Variants in PRMT8 observed in about 807,000 individuals in gnomAD.
PRMT8 encodes the protein protein arginine methyltransferase 8, also known as protein arginine N-methyltransferase 8.
In PRMT8, 7 loss-of-function variants were observed where a neutral mutation model predicts 47.1. The observed-to-expected ratio is 0.15, with a 90% CI of 0.08 to 0.28. The LOEUF is 0.28. PRMT8 is among the 10% of genes least tolerant of loss of function. The probability of loss-of-function intolerance (pLI) is 1.00; values close to 1 mark genes in which losing one functional copy is unlikely to be tolerated. For missense variants in PRMT8, 237 were observed against 505.4 expected (o/e 0.47, Z 5.09); for synonymous variants, 188 against 186.5 (o/e 1.01, Z -0.07).
chr12:3,532,252 A>G (rs571956788), intron 1 of PRMT8, among the ~76,000 whole-genome samples: 91 of 148,574 alleles, frequency 6.1e-4, no homozygotes, highest in Non-Finnish European at 1.1e-3. Context: ...TTTATATTAT[A>G]TAATATTTAT....
At chr12:3,403,363 T>G (rs1864337675) in intron 1 of PRMT8, among the ~76,000 whole-genome samples, 1 of 152,032 alleles carries the variant, frequency 6.6e-6, no homozygotes. Flanking sequence ...TAATGGATGC[T>G]GGGCTTAATA....
At chr12:3,516,811 C>T in intron 1 of PRMT8, among the ~76,000 whole-genome samples, 1 of 152,076 alleles carries the variant, frequency 6.6e-6, no homozygotes, top group East Asian at 1.9e-4. Context: ...TTCCCCCTCG[C>T]CCCTTAGTTG....
At chr12:3,445,616 C>T (rs1864848173) in intron 1 of PRMT8, among the ~76,000 whole-genome samples, 1 of 152,140 alleles carries the variant, frequency 6.6e-6, no homozygotes. Flanking sequence ...CAGGGCAATG[C>T]TGATCAGCTC....
chr12:3,389,397 G>A (rs1345152298), intron 1 of PRMT8, among the ~76,000 whole-genome samples: 1 of 152,100 alleles, frequency 6.6e-6, no homozygotes, highest in Admixed American at 6.5e-5. Flanking sequence ...CCAGCCCTTG[G>A]TCCTCTGCTA....
intron 1 of PRMT8, among the ~76,000 whole-genome samples, chr12:3,411,872 C>A (rs1273239834): frequency 6.6e-6 from 1 of 152,180 alleles, no homozygotes; most frequent in Admixed American, 6.5e-5. Context: ...AAATAAATGT[C>A]TTTTCTTTAT....
intron 1 of PRMT8, among the ~76,000 whole-genome samples, chr12:3,466,990 C>G (rs541007879): frequency 6.6e-6 from 1 of 152,122 alleles, no homozygotes; most frequent in African/African-American, 2.4e-5. Flanking sequence ...GTAATCCCAG[C>G]ACTTTGGGAG....
chr12:3,464,861 A>G (rs1399465489), intron 1 of PRMT8, among the ~76,000 whole-genome samples: 1 of 152,112 alleles, frequency 6.6e-6, no homozygotes, highest in Admixed American at 6.6e-5. Flanking sequence ...ACTCCTGCTC[A>G]CACCTGTAAT....
intron 1 of PRMT8, among the ~76,000 whole-genome samples, chr12:3,455,865 A>C (rs552147596): frequency 1.8e-4 from 27 of 152,244 alleles, no homozygotes; most frequent in African/African-American, 5.8e-4. Flanking sequence ...AGTGCCCCCT[A>C]CCACACCCCT....
chr12:3,413,114 A>G (rs902299068), intron 1 of PRMT8, among the ~76,000 whole-genome samples: 13 of 152,204 alleles, frequency 8.5e-5, no homozygotes, highest in Non-Finnish European at 1.8e-4. Context: ...GCTGTTAGCT[A>G]GTCCAAGGGT....
Position 3,583,599 on chromosome 12 carries a change from T to C in PRMT8, c.979+391T>C, listed in dbSNP as rs1244024436. Reference sequence around the variant, plus strand: ...CCATGCCTCTGTGCAGGACACAGCCTGTCTTGCAGCAGCCTGCACACTGGT... The same window carrying C: ...CCATGCCTCTGTGCAGGACACAGCCCGTCTTGCAGCAGCCTGCACACTGGT... On this transcript the variant is annotated intron_variant, in intron 8 of 9. Coordinates refer to ENST00000382622, the MANE Select transcript of PRMT8 (RefSeq NM_019854.5). This position sits in a 1 kb window ranked among gnomAD's most constrained non-coding sequence, Gnocchi z 4.7. Among the ~76,000 whole-genome samples the C allele has an allele frequency of 6.6e-6, 1 of 152,206 alleles. No homozygotes were observed. The highest frequency in any genetic ancestry group is 1.5e-5 in the Non-Finnish European group (1 of 68,036).
At chr12:3,507,411 G>A (rs924600997) in intron 1 of PRMT8, among the ~76,000 whole-genome samples, 7 of 152,056 alleles carry the variant, frequency 4.6e-5, no homozygotes, top group Non-Finnish European at 1.0e-4. Flanking sequence ...GTGAACCACC[G>A]CGCCCAGCCA....
chr12:3,484,012 A>T (rs1313972755), intron 1 of PRMT8, among the ~76,000 whole-genome samples: 1 of 152,194 alleles, frequency 6.6e-6, no homozygotes, highest in Admixed American at 6.5e-5. Context: ...CTCTTAAAAA[A>T]TGGCACCTCT....
chr12:3,590,981 A>G (rs144063892), intron 8 of PRMT8, among the ~76,000 whole-genome samples: 1 of 152,252 alleles, frequency 6.6e-6, no homozygotes, highest in African/African-American at 2.4e-5. Flanking sequence ...AGGCACCGCA[A>G]TAACAGGAGC....
intron 1 of PRMT8, among the ~76,000 whole-genome samples, chr12:3,397,127 A>G (rs1248096298): frequency 3.3e-5 from 5 of 151,742 alleles, no homozygotes; most frequent in Admixed American, 2.6e-4. Context: ...AATTTTTTTC[A>G]AAGTTTTCAA....
intron 1 of PRMT8, among the ~76,000 whole-genome samples, chr12:3,517,841 A>G (rs1342569942): frequency 6.6e-6 from 1 of 152,208 alleles, no homozygotes; most frequent in African/African-American, 2.4e-5. Flanking sequence ...GCAAAAAATA[A>G]TAAAGTATTG....
upstream of PRMT8, among the ~76,000 whole-genome samples, chr12:3,490,914 C>G (rs1339930064): frequency 6.6e-6 from 1 of 152,046 alleles, no homozygotes; most frequent in East Asian, 1.9e-4. Context: ...CGGTCTCGCC[C>G]GGACCTCGCC....
Position 3,540,691 on chromosome 12 carries a change from G to A in PRMT8, c.161G>A (p.Ser54Asn). ...GTCCATCATGTGTCCACTCAACCCA[G>A]CTGCCCAGGACGGGGCAAGATGTCC... Reference protein sequence around the residue: ...QCVHHVSTQPSCPGRGKMSKL... With the variant: ...QCVHHVSTQPNCPGRGKMSKL... The change falls in exon 2 of 10, where the codon AGC becomes AAC. Residue 54 changes from serine (S) to asparagine (N), a missense_variant. Physicochemically the swap from Ser to Asn is conservative, Grantham distance 46 (BLOSUM62 1). Around this residue, in one of 5 missense-constraint regions of PRMT8, gnomAD observed 43 missense variants for 32.4 expected, o/e 1.33. Transcript: ENST00000382622. 1.4e-5 allele frequency: 19 copies of A among 1,377,840 alleles called. No homozygotes were observed. The highest frequency in any genetic ancestry group is 1.8e-5 in the Non-Finnish European group (19 of 1,034,186). The allele number at this position is 1,377,840 out of a possible 1,614,324, so 85.4% of individuals were successfully genotyped here.
At chr12:3,449,486 A>T (rs1864895246) in intron 1 of PRMT8, among the ~76,000 whole-genome samples, 1 of 152,168 alleles carries the variant, frequency 6.6e-6, no homozygotes, top group Non-Finnish European at 1.5e-5. Flanking sequence ...TCTAATGATT[A>T]GTGATGTTGA....
intron 1 of PRMT8, among the ~76,000 whole-genome samples, chr12:3,408,701 A>G (rs985914945): frequency 2.0e-5 from 3 of 152,108 alleles, no homozygotes; most frequent in African/African-American, 7.2e-5. Context: ...TACCCCTTCA[A>G]AACCTTACAG....
Sources: allele counts gnomAD v4.1 joint callset (sites outside exome capture counted in the v4.1 genomes callset), GRCh38; gene constraint gnomAD v4.1.1; regional missense constraint gnomAD v4.1.1; non-coding constraint Gnocchi (gnomAD v3.1); transcripts MANE v1.5; gene names NCBI Gene and HGNC (gene_info 2026-07-23, HGNC 2026-07-21).